The following AHCY variants were observed in gnomAD, a reference collection of about 807,000 sequenced individuals.
AHCY encodes S-adenosyl-L-homocysteine hydrolase.
In AHCY, 24 loss-of-function variants were observed where a neutral mutation model predicts 45.4. The observed-to-expected ratio is 0.53, with a 90% CI of 0.38 to 0.74. The LOEUF is 0.74. AHCY is among the 30% of genes least tolerant of loss of function. AHCY has a pLI of 0.00. For synonymous variants in AHCY, 245 were observed against 235.1 expected (o/e 1.04, Z -0.39); for missense variants, 449 against 594.1 (o/e 0.76, Z 2.54).
At chr20:34,292,530 G>A (rs2036434218) in intron 3 of AHCY, 23 bp from the exon 4 acceptor site, 2 of 1,613,570 alleles carry the variant, frequency 1.2e-6, no homozygotes, top group Non-Finnish European at 1.7e-6. Flanking sequence ...TGGCACATCA[G>A]GGCCTGGACT....
chr20:34,265,564 G>A, the AHCY span, among the ~76,000 whole-genome samples: 1 of 152,050 alleles, frequency 6.6e-6, no homozygotes, highest in Non-Finnish European at 1.5e-5. Flanking sequence ...AAGAGTTTGT[G>A]CCCCTAACCC....
chr20:34,276,403 G>C (rs2035910585), downstream of AHCY, among the ~76,000 whole-genome samples: 1 of 152,128 alleles, frequency 6.6e-6, no homozygotes, highest in Non-Finnish European at 1.5e-5. Flanking sequence ...ACGAGAGACA[G>C]GTTGAGGAGG....
In AHCY at chr20:34,280,930, G is replaced by C; in HGVS notation, c.*104C>G. ...GATCAGCCCCAGAGAGTCGATGGGG[G>C]ACACTGACAAACCAATCACAAAGTT... is the stretch of plus-strand genomic sequence containing the variant. On this transcript the variant is annotated 3_prime_UTR_variant, in exon 10 of 10. Transcript: ENST00000217426. 6.5e-7 allele frequency: 1 copy of C among 1,535,060 alleles called. No individual in the cohort carries two copies. The highest frequency in any genetic ancestry group is 1.2e-5 in the South Asian group (1 of 85,406).
At chr20:34,235,240 G>C in the AHCY span, among the ~76,000 whole-genome samples, 1 of 152,242 alleles carries the variant, frequency 6.6e-6, no homozygotes, top group South Asian at 2.1e-4. Flanking sequence ...AGGAGTTTGA[G>C]ACCAGCCTGA....
chr20:34,259,426 T>G, the AHCY span, among the ~76,000 whole-genome samples: 2 of 151,424 alleles, frequency 1.3e-5, no homozygotes, highest in Non-Finnish European at 2.9e-5. Context: ...GGCACGAGAA[T>G]CTCTTGAACC....
chr20:34,281,250 G>C, intron 9 of AHCY, 85 bp from the exon 10 acceptor site: 2 of 1,576,482 alleles, frequency 1.3e-6, no homozygotes, highest in South Asian at 1.1e-5. Flanking sequence ...AGGCAGAAGT[G>C]TTCTGTTAGG....
At chr20:34,236,897 A>G in the AHCY span, among the ~76,000 whole-genome samples, 1 of 152,250 alleles carries the variant, frequency 6.6e-6, no homozygotes, top group Non-Finnish European at 1.5e-5. Context: ...GTGTTAGGTA[A>G]GAGTCTAACT....
At chr20:34,269,946 T>TAAAAAAAAAAAAAAAAAAAAAAAAAAAAA in the AHCY span, among the ~76,000 whole-genome samples, 5 of 59,234 alleles carry the variant, frequency 8.4e-5, 1 homozygote, top group Admixed American at 3.5e-4. Flanking sequence ...AACTCTGTCT[T>TAAAAAAAAAAAAAAAAAAAAAAAAAAAAA]AAAAAAAAAA....
chr20:34,263,625 A>G, the AHCY span, among the ~76,000 whole-genome samples: 1 of 151,260 alleles, frequency 6.6e-6, no homozygotes, highest in African/African-American at 2.4e-5. Flanking sequence ...ATGTGTTTGA[A>G]CTCATGGGTC....
At chr20:34,252,819 TTG>T in the AHCY span, among the ~76,000 whole-genome samples, 1 of 152,196 alleles carries the variant, frequency 6.6e-6, no homozygotes, top group Admixed American at 6.5e-5. Flanking sequence ...CCTGCGGACA[TTG>T]TGTCCAGTGC....
At chr20:34,281,826 G>A (rs1008068792) in intron 9 of AHCY, 1 of 158,908 alleles carries the variant, frequency 6.3e-6, no homozygotes, top group East Asian at 1.8e-4. Context: ...GCACCACCAC[G>A]TCCAGCTAAC....
the AHCY span, among the ~76,000 whole-genome samples, chr20:34,237,869 T>C: frequency 6.9e-4 from 105 of 152,284 alleles, 1 homozygote; most frequent in East Asian, 0.02. Context: ...TGAAATTATG[T>C]TAGAGTTTGT....
Position 34,285,583 on chromosome 20 carries a change from C to A in AHCY, c.1024G>T (p.Gly342Cys). Reference sequence around the variant, plus strand: ...GCACAACCCAGGTTGACCAGCCGACCCTCGGCCAGCAGGATGATGCGGCGC... The same window carrying A: ...GCACAACCCAGGTTGACCAGCCGACACTCGGCCAGCAGGATGATGCGGCGC... ...NGRRIILLAE[G>C]RLVNLGCAMG... The change falls in exon 9 of 10, where the codon GGT becomes TGT. Residue 342 changes from glycine to cysteine, a missense_variant. Physicochemically the swap from Gly to Cys is radical, Grantham distance 159. Coordinates refer to ENST00000217426, the MANE Select transcript of AHCY (RefSeq NM_000687.4). 3 of 1,614,106 alleles carry A rather than the reference C, an allele frequency of 1.9e-6. No homozygotes were observed. The highest frequency in any genetic ancestry group is 1.7e-6 in the Non-Finnish European group (2 of 1,180,018).
the AHCY span, among the ~76,000 whole-genome samples, chr20:34,262,662 C>T: frequency 6.6e-6 from 1 of 152,078 alleles, no homozygotes; most frequent in Non-Finnish European, 1.5e-5. Context: ...GGTCAGTAGC[C>T]GGGCTAACAA....
chr20:34,280,733 A>G lies in AHCY; in HGVS notation c.*301T>C, dbSNP rs13245. The G allele has an allele frequency of 2.2e-6, 1 of 445,058 alleles. No individual in the cohort carries two copies. The highest frequency in any genetic ancestry group is 2.0e-5 in the African/African-American group (1 of 49,890). The allele number at this position is 445,058 out of a possible 1,614,324, so 27.6% of individuals were successfully genotyped here. The stretch of plus-strand genomic sequence containing the variant: ...AACACATGGGCTTTGTGACTCCACT[A>G]CTGACTTCCAGGCTAAGGAAGGACT... On this transcript the variant is annotated 3_prime_UTR_variant, in exon 10 of 10. Transcript: ENST00000217426.
chr20:34,290,950 G>A lies in AHCY; in HGVS notation c.559-12C>T, dbSNP rs776005372. ...TTGTCAAACTTGCTCTGAAAGGAAAGGGGGTAAGGAGACAATAGGGGCAGG... is the reference window on the plus strand; with the variant it reads ...TTGTCAAACTTGCTCTGAAAGGAAAAGGGGTAAGGAGACAATAGGGGCAGG... On this transcript the variant is annotated splice_polypyrimidine_tract_variant and intron_variant, in intron 5 of 9. Coordinates refer to ENST00000217426, the MANE Select transcript of AHCY (RefSeq NM_000687.4). This position sits in a 1 kb window ranked among gnomAD's most constrained non-coding sequence, Gnocchi z 4.5. 1.9e-6 allele frequency: 3 copies of A among 1,613,758 alleles called. No homozygotes were observed. Among genetic ancestry groups the A allele is most frequent in the Admixed American group, 1.7e-5 (1 of 60,012 alleles).
At chr20:34,259,805 T>C in the AHCY span, among the ~76,000 whole-genome samples, 26 of 151,978 alleles carry the variant, frequency 1.7e-4, no homozygotes, top group Non-Finnish European at 3.4e-4. Context: ...AGGGGGCCTA[T>C]GTCAACAGCT....
the AHCY span, among the ~76,000 whole-genome samples, chr20:34,263,669 T>C: frequency 1.3e-5 from 2 of 151,572 alleles, no homozygotes; most frequent in Non-Finnish European, 2.9e-5. Flanking sequence ...GTCTTTTTTT[T>C]TTTTTCTTTT....
chr20:34,301,434 G>A (rs967590070), intron 1 of AHCY, among the ~76,000 whole-genome samples: 2 of 152,186 alleles, frequency 1.3e-5, no homozygotes, highest in Non-Finnish European at 1.5e-5. Context: ...CTAAGGACTT[G>A]CAAAAGTCAC....
Sources: allele counts gnomAD v4.1 joint callset (sites outside exome capture counted in the v4.1 genomes callset), GRCh38; gene constraint gnomAD v4.1.1; non-coding constraint Gnocchi (gnomAD v3.1); transcripts MANE v1.5; gene names NCBI Gene and HGNC (gene_info 2026-07-23, HGNC 2026-07-21).